SPECC1: variants seen among roughly 807,000 people sequenced by gnomAD.
The protein encoded by SPECC1 is sperm antigen with calponin homology and coiled-coil domains 1, also known as cytospin-B.
A neutral mutation model predicts 104.1 loss-of-function variants in SPECC1; 62 were observed. The ratio of observed to expected loss-of-function variants is 0.60; its 90% CI spans 0.49 to 0.74. The LOEUF is 0.74. Among genes scored for constraint, SPECC1 ranks in the 30% least tolerant of loss-of-function variants. SPECC1 has a pLI of 0.00. For missense variants in SPECC1, 1,306 were observed against 1,310.5 expected (o/e 1.00, Z 0.05); for synonymous variants, 513 against 501.6 (o/e 1.02, Z -0.30).
chr17:20,251,172 C>T (rs1318376485), intron 9 of SPECC1, among the ~76,000 whole-genome samples: 1 of 136,950 alleles, frequency 7.3e-6, no homozygotes, highest in Non-Finnish European at 1.5e-5. Flanking sequence ...AGGTTGCAGT[C>T]ACCTGAGATC....
intron 3 of SPECC1, among the ~76,000 whole-genome samples, chr17:20,168,026 A>G (rs1158303854): frequency 6.6e-6 from 1 of 152,258 alleles, no homozygotes; most frequent in Non-Finnish European, 1.5e-5. Flanking sequence ...AGCCAAAATT[A>G]TGAAGGTGAT....
chr17:20,071,246 AT>A (rs1182779591), intron 1 of SPECC1, among the ~76,000 whole-genome samples: 1 of 152,214 alleles, frequency 6.6e-6, no homozygotes, highest in Non-Finnish European at 1.5e-5. Flanking sequence ...CATCTTTGTC[AT>A]AATCTGAATT....
intron 2 of SPECC1, among the ~76,000 whole-genome samples, chr17:20,104,800 T>A (rs1210781876): frequency 6.8e-6 from 1 of 147,260 alleles, no homozygotes; most frequent in Non-Finnish European, 1.5e-5. Context: ...GTGAGGAGAC[T>A]GAGCTACCAG....
At chr17:20,073,712 C>T (rs1202190765) in intron 1 of SPECC1, 1 of 152,074 alleles carries the variant, frequency 6.6e-6, no homozygotes, top group Non-Finnish European at 1.5e-5. Flanking sequence ...GTAAGTACAT[C>T]GTTGGTTATT....
chr17:20,312,745 G>A (rs1192144324), intron 14 of SPECC1, among the ~76,000 whole-genome samples: 2 of 152,164 alleles, frequency 1.3e-5, no homozygotes, highest in South Asian at 4.1e-4. Flanking sequence ...TTTTAAAATT[G>A]TTCTAGGTGT....
chr17:20,269,276 C>T (rs2040319765), intron 12 of SPECC1, among the ~76,000 whole-genome samples: 1 of 152,204 alleles, frequency 6.6e-6, no homozygotes, highest in African/African-American at 2.4e-5. Flanking sequence ...CCATTGTTTC[C>T]AGAACTGATG....
intron 7 of SPECC1, among the ~76,000 whole-genome samples, chr17:20,245,390 C>A (rs2039378503): frequency 6.6e-6 from 1 of 152,132 alleles, no homozygotes; most frequent in African/African-American, 2.4e-5. Context: ...GCCCGGTGCC[C>A]TGCCTCTCTT....
intron 14 of SPECC1, among the ~76,000 whole-genome samples, chr17:20,308,389 C>CAAAAAAAAAAAAAAAAAAA (rs3072413): frequency 1.5e-5 from 1 of 66,612 alleles, no homozygotes; most frequent in Non-Finnish European, 2.5e-5. Context: ...AACTCCATCT[C>CAAAAAAAAAAAAAAAAAAA]AAAAAAAAAA....
At chr17:20,309,710 T>C (rs1367172560) in intron 14 of SPECC1, among the ~76,000 whole-genome samples, 1 of 152,192 alleles carries the variant, frequency 6.6e-6, no homozygotes, top group Non-Finnish European at 1.5e-5. Context: ...GAATCCACGC[T>C]GCTGCAAAGG....
At chr17:20,267,460 A>C (rs2040255148) in intron 12 of SPECC1, among the ~76,000 whole-genome samples, 2 of 152,176 alleles carry the variant, frequency 1.3e-5, no homozygotes, top group Admixed American at 1.3e-4. Context: ...GATAACCCCC[A>C]TGACTCTCCA....
At chr17:20,122,470 C>A (rs1234422976) in intron 3 of SPECC1, among the ~76,000 whole-genome samples, 3 of 152,158 alleles carry the variant, frequency 2.0e-5, no homozygotes, top group Non-Finnish European at 4.4e-5. Context: ...TGGCTCTCAA[C>A]TTTCCTGGTT....
intron 10 of SPECC1, among the ~76,000 whole-genome samples, chr17:20,256,213 C>T (rs2039825474): frequency 6.6e-6 from 1 of 152,182 alleles, no homozygotes; most frequent in South Asian, 2.1e-4. Flanking sequence ...ACATACTGAA[C>T]TTGAGACCAC....
chr17:20,238,830 T>A, intron 7 of SPECC1: 1 of 1,045,408 alleles, frequency 9.6e-7, no homozygotes, highest in Non-Finnish European at 1.2e-6. Flanking sequence ...CGTTAGGTAC[T>A]GTTGAATATT....
chr17:20,238,828 A>G (rs1598062290), intron 7 of SPECC1: 4 of 1,045,054 alleles, frequency 3.8e-6, no homozygotes, highest in Non-Finnish European at 4.6e-6. Flanking sequence ...GTCGTTAGGT[A>G]CTGTTGAATA....
At chr17:20,254,151 G>GTGTGTGTGTA (rs996074137) in intron 10 of SPECC1, among the ~76,000 whole-genome samples, 1 of 150,626 alleles carries the variant, frequency 6.6e-6, no homozygotes, top group African/African-American at 2.4e-5. Context: ...GTGTGTGTGT[G>GTGTGTGTGTA]TGTGTGTGTG....
intron 3 of SPECC1, among the ~76,000 whole-genome samples, chr17:20,170,204 C>G (rs2033980601): frequency 2.6e-5 from 4 of 152,212 alleles, no homozygotes; most frequent in Admixed American, 2.6e-4. Flanking sequence ...GGTTGCTTCT[C>G]CAGCTAAGTA....
At chr17:20,237,135 CTG>C (rs2038962221) in intron 7 of SPECC1, 3 of 1,378,086 alleles carry the variant, frequency 2.2e-6, no homozygotes, top group Non-Finnish European at 1.9e-6. Flanking sequence ...GAAGATTGAG[CTG>C]TCTTTTATTT....
chr17:20,294,304 A>G lies in SPECC1; in HGVS notation c.2941-2657A>G, dbSNP rs1598156219. Among the ~76,000 whole-genome samples the G allele has an allele frequency of 3.3e-5, 5 of 152,302 alleles. No homozygotes were observed. The South Asian group carries it at 1.0e-3, about 32-fold the overall frequency. On this transcript the variant is annotated intron_variant, in intron 12 of 14. Transcript: ENST00000395527. ...GCTAGAGTTGGATTTTAGTTTCCTT[A>G]TCACTGTGTACCAAGCAGCTGCTGG...
chr17:20,210,967 C>T (rs1326715748), intron 4 of SPECC1, among the ~76,000 whole-genome samples: 10 of 152,234 alleles, frequency 6.6e-5, no homozygotes, highest in Non-Finnish European at 2.9e-5. Flanking sequence ...AAGCTTTCCG[C>T]CTCAGTTATG....
Sources: gnomAD v4.1 joint callset for allele counts (sites outside exome capture counted in the v4.1 genomes callset) on GRCh38, gnomAD v4.1.1 for gene constraint, MANE v1.5 for transcripts, NCBI Gene and HGNC (gene_info 2026-07-23, HGNC 2026-07-21) for gene names.